CPSF3: variants seen among roughly 807,000 people sequenced by gnomAD.
CPSF3 encodes cleavage and polyadenylation specificity factor subunit 3.
CPSF3 carries 57 observed loss-of-function variants against 84.1 expected under a neutral mutation model. That is an observed-to-expected ratio of 0.68 (90% CI 0.55 to 0.85). The LOEUF (loss-of-function observed/expected upper bound fraction) is 0.85. Among genes scored for constraint, CPSF3 ranks in the 40% least tolerant of loss-of-function variants. The probability of loss-of-function intolerance (pLI) is 0.00; values close to 1 mark genes in which losing one functional copy is unlikely to be tolerated. For synonymous variants in CPSF3, 275 were observed against 278.1 expected (o/e 0.99, Z 0.11); for missense variants, 522 against 838.8 (o/e 0.62, Z 4.66).
At chr2:9,444,436 T>C (rs984336207) in intron 10 of CPSF3, among the ~76,000 whole-genome samples, 5 of 151,972 alleles carry the variant, frequency 3.3e-5, no homozygotes, top group Admixed American at 2.6e-4. Context: ...GACTTACTTA[T>C]ATTTTTAAGT....
intron 17 of CPSF3, among the ~76,000 whole-genome samples, chr2:9,471,996 A>T: frequency 8.4e-6 from 1 of 119,670 alleles, no homozygotes; most frequent in Non-Finnish European, 1.7e-5. Context: ...ATAGAGCGAG[A>T]CTCTGTCTCC....
intron 17 of CPSF3, among the ~76,000 whole-genome samples, chr2:9,472,511 C>T (rs890157535): frequency 6.6e-6 from 1 of 151,986 alleles, no homozygotes; most frequent in African/African-American, 2.4e-5. Flanking sequence ...CTAGACTTTC[C>T]CCAGTCTTTC....
At chr2:9,424,631 G>A (rs919378141) in intron 1 of CPSF3, 2 of 152,186 alleles carry the variant, frequency 1.3e-5, no homozygotes, top group African/African-American at 4.8e-5. Flanking sequence ...AGGCTTCATT[G>A]AGCACCTGCT....
intron 13 of CPSF3, 25 bp from the exon 14 acceptor site, chr2:9,456,908 T>C (rs756665981): frequency 7.3e-7 from 1 of 1,370,328 alleles, no homozygotes; most frequent in Non-Finnish European, 1.0e-6. Flanking sequence ...AGTATATACA[T>C]CTTATAGTTA....
At chr2:9,455,996 A>T (rs544850229) in intron 13 of CPSF3, among the ~76,000 whole-genome samples, 82 of 152,262 alleles carry the variant, frequency 5.4e-4, no homozygotes, top group African/African-American at 1.9e-3. Flanking sequence ...AAGAAAATAT[A>T]CTCAAATTTT....
chr2:9,452,115 G>A (rs909574185), intron 11 of CPSF3, among the ~76,000 whole-genome samples: 2 of 152,078 alleles, frequency 1.3e-5, no homozygotes, highest in Non-Finnish European at 2.9e-5. Flanking sequence ...GATCATCTGA[G>A]GTCAGGAGTT....
intron 7 of CPSF3, among the ~76,000 whole-genome samples, chr2:9,440,289 A>G (rs964975554): frequency 6.6e-6 from 1 of 152,234 alleles, no homozygotes; most frequent in East Asian, 1.9e-4. Flanking sequence ...TAGGTCATGC[A>G]CTATTTAGAA....
chr2:9,430,332 A>G (rs1365511185), intron 3 of CPSF3, among the ~76,000 whole-genome samples: 1 of 152,242 alleles, frequency 6.6e-6, no homozygotes, highest in Non-Finnish European at 1.5e-5. Flanking sequence ...TCACTGTTTT[A>G]TCACATTCTT....
chr2:9,437,712 A>G (rs1472103233), intron 7 of CPSF3, among the ~76,000 whole-genome samples: 2 of 152,222 alleles, frequency 1.3e-5, no homozygotes, highest in East Asian at 3.8e-4. Flanking sequence ...GGTACTTTAC[A>G]GCCAGGCATA....
At chr2:9,459,260 A>C (rs370756930) in intron 14 of CPSF3, among the ~76,000 whole-genome samples, 2 of 152,240 alleles carry the variant, frequency 1.3e-5, no homozygotes, top group African/African-American at 4.8e-5. Flanking sequence ...TATAAAATGA[A>C]ATTAATCGTG....
intron 1 of CPSF3, among the ~76,000 whole-genome samples, chr2:9,426,011 C>G (rs6709389): frequency 0.56 from 84,996 of 152,122 alleles, 24,779 homozygotes; most frequent in Middle Eastern, 0.7. Context: ...AATACATACT[C>G]TTTTGTCTCT....
chr2:9,437,473 A>G (rs922899254), intron 7 of CPSF3, among the ~76,000 whole-genome samples: 9 of 152,198 alleles, frequency 5.9e-5, no homozygotes, highest in Middle Eastern at 3.2e-3. Flanking sequence ...AAAAATGCAC[A>G]CACAAATGAC....
chr2:9,453,014 C>A lies in CPSF3; in HGVS notation c.1497C>A (p.Asp499Glu), dbSNP rs750326584. 4 of 1,589,950 alleles carry A rather than the reference C, an allele frequency of 2.5e-6. No homozygotes were observed. Among genetic ancestry groups the A allele is most frequent in the Non-Finnish European group, 3.4e-6 (4 of 1,163,378 alleles). The change falls in exon 12 of 18, where the codon GAC becomes GAA. Residue 499 changes from aspartate (D) to glutamate (E), a missense_variant. Asp to Glu is a conservative substitution (Grantham distance 45). Around this residue, in one of 2 missense-constraint regions of CPSF3, gnomAD observed 193 missense variants for 231.6 expected, o/e 0.83. Transcript: ENST00000238112. ...ATTATCACATACTTTCTCCTTGCGA[C>A]CTGTCCAGTAAGTATACTATTAAAT... is the stretch of plus-strand genomic sequence containing the variant. The part of the protein sequence containing the change: ...NFNYHILSPC[D>E]LSNYTDLAMS...
At chr2:9,438,297 G>A (rs1056451588) in intron 7 of CPSF3, among the ~76,000 whole-genome samples, 11 of 152,152 alleles carry the variant, frequency 7.2e-5, no homozygotes, top group South Asian at 4.1e-4. Context: ...AGTCAAATTC[G>A]TCCTTAGAAG....
intron 15 of CPSF3, among the ~76,000 whole-genome samples, chr2:9,466,436 A>G (rs530617000): frequency 1.0e-3 from 150 of 150,422 alleles, no homozygotes; most frequent in African/African-American, 1.9e-3. Flanking sequence ...ACACACGCGC[A>G]CACACACAAA....
intron 15 of CPSF3, among the ~76,000 whole-genome samples, chr2:9,462,604 G>A (rs1294169419): frequency 7.9e-5 from 12 of 152,280 alleles, no homozygotes; most frequent in Admixed American, 2.6e-4. Context: ...CACATAGCTC[G>A]TGTGTGTTTT....
intron 14 of CPSF3, among the ~76,000 whole-genome samples, chr2:9,457,629 C>T (rs1681576633): frequency 6.6e-6 from 1 of 152,162 alleles, no homozygotes; most frequent in Non-Finnish European, 1.5e-5. Flanking sequence ...TAAAGAAGGA[C>T]TTTCAAAGTG....
intron 15 of CPSF3, among the ~76,000 whole-genome samples, chr2:9,464,123 C>A (rs1681825250): frequency 6.6e-6 from 1 of 152,034 alleles, no homozygotes; most frequent in Non-Finnish European, 1.5e-5. Flanking sequence ...TGTCCCCATT[C>A]TTAACCAAAG....
intron 11 of CPSF3, among the ~76,000 whole-genome samples, chr2:9,448,555 ATT>A (rs796618088): frequency 5.5e-4 from 81 of 148,044 alleles, no homozygotes; most frequent in African/African-American, 2.0e-3. Flanking sequence ...GCTAGATTAG[ATT>A]TTTTGTGTGT....
Sources: gnomAD v4.1 joint callset for allele counts (sites outside exome capture counted in the v4.1 genomes callset) on GRCh38, gnomAD v4.1.1 for gene constraint, gnomAD v4.1.1 regional missense constraint, MANE v1.5 for transcripts, NCBI Gene and HGNC (gene_info 2026-07-23, HGNC 2026-07-21) for gene names.